Variants in FRA10AC1 observed in about 807,000 individuals in gnomAD.
FRA10AC1 encodes the protein protein FRA10AC1.
A neutral mutation model predicts 56.5 loss-of-function variants in FRA10AC1; 43 were observed. That is an observed-to-expected ratio of 0.76 (90% CI 0.60 to 0.98). The LOEUF is 0.98. FRA10AC1 is among the 50% of genes least tolerant of loss of function. The pLI, the probability that FRA10AC1 is intolerant of heterozygous loss-of-function variation, is 0.00. For missense variants in FRA10AC1, 346 were observed against 351.8 expected, an observed-to-expected ratio of 0.98 and a Z score of 0.13; for synonymous variants, 112 against 110.5, an observed-to-expected ratio of 1.01 and a Z score of -0.09.
intron 11 of FRA10AC1, among the ~76,000 whole-genome samples, chr10:93,679,162 A>T (rs1206312273): frequency 6.6e-6 from 1 of 152,220 alleles, no homozygotes; most frequent in Non-Finnish European, 1.5e-5. Context: ...TTTGCTTTCA[A>T]AGGCATTCTA....
intron 11 of FRA10AC1, among the ~76,000 whole-genome samples, chr10:93,679,525 C>A (rs1171596134): frequency 6.6e-6 from 1 of 152,086 alleles, no homozygotes; most frequent in African/African-American, 2.4e-5. Flanking sequence ...GAAGAGAAGA[C>A]ACAGCATCCA....
At chr10:93,681,626 G>A in intron 10 of FRA10AC1, 28 bp from the exon 11 acceptor site, 1 of 1,454,200 alleles carries the variant, frequency 6.9e-7, no homozygotes. Flanking sequence ...TAAAATTAAA[G>A]TTAACTTTTC....
At chr10:93,693,520 TATATATACACC>T (rs1393557819) in intron 5 of FRA10AC1, among the ~76,000 whole-genome samples, 1,514 of 18,334 alleles carry the variant, frequency 0.083, 130 homozygotes, top group East Asian at 0.22. Context: ...ACCATATATA[TATATATACACC>T]ATATATATAT....
chr10:93,693,239 T>C (rs2059154319), intron 5 of FRA10AC1, among the ~76,000 whole-genome samples: 1 of 148,662 alleles, frequency 6.7e-6, no homozygotes, highest in Non-Finnish European at 1.5e-5. Context: ...AAAAAAGTGA[T>C]TGTTGGGAGA....
At position 93,698,396 on chromosome 10, in the gene FRA10AC1, C is replaced by T. The variant is rs146587772; in HGVS notation, c.78G>A (p.Arg26=). ...RCGESSKRKK[R]TVEDDLLLQK... Reference sequence around the variant, plus strand: ...GGAGCAGTAAGTCATCTTCAACTGTCCTGATATATTAAGAAGAAAATAAGA... The same window carrying T: ...GGAGCAGTAAGTCATCTTCAACTGTTCTGATATATTAAGAAGAAAATAAGA... The change falls in exon 3 of 14, where the codon AGG becomes AGA. Residue 26 remains arginine, a splice_region_variant and synonymous_variant. Coordinates refer to ENST00000359204, the MANE Select transcript of FRA10AC1 (RefSeq NM_145246.5). The T allele has an allele frequency of 4.5e-6, 7 of 1,546,710 alleles. No individual in the cohort carries two copies. The highest frequency in any genetic ancestry group is 6.2e-6 in the Non-Finnish European group (7 of 1,124,548).
chr10:93,698,097 TCTA>T lies in FRA10AC1; in HGVS notation c.219+36_219+38del, dbSNP rs774756371. The stretch of plus-strand genomic sequence containing the variant: ...AACAAAAAAGCAGATTTTAAAATAT[TCTA>T]CTAGTTATAAAAATCTGGAAATAAA... On this transcript the variant is annotated intron_variant, in intron 4 of 13. Coordinates refer to ENST00000359204, the MANE Select transcript of FRA10AC1 (RefSeq NM_145246.5). The T allele has an allele frequency of 8.5e-6, 10 of 1,182,804 alleles. No individual in the cohort carries two copies. The South Asian group carries it at 1.4e-4, about 17-fold the overall frequency. 73.3% of individuals were successfully genotyped at this position (1,182,804 alleles called of 1,614,324 possible).
At chr10:93,699,144 A>C (rs535223345) in intron 2 of FRA10AC1, among the ~76,000 whole-genome samples, 2 of 152,350 alleles carry the variant, frequency 1.3e-5, no homozygotes, top group Admixed American at 1.3e-4. Context: ...GGAGCAGAGT[A>C]TCCAACTAGA....
At chr10:93,676,802 T>TA in intron 11 of FRA10AC1, 111 bp from the exon 12 acceptor site, 1 of 1,355,288 alleles carries the variant, frequency 7.4e-7, no homozygotes, top group Non-Finnish European at 9.6e-7. Context: ...GTCTTACAGA[T>TA]AAGCACTTCA....
chr10:93,691,792 CA>C (rs1006726323), intron 7 of FRA10AC1, among the ~76,000 whole-genome samples: 1 of 151,682 alleles, frequency 6.6e-6, no homozygotes, highest in African/African-American at 2.4e-5. Context: ...AGCTCACAAA[CA>C]AAAAAAAGCA....
At chr10:93,672,135 C>A in intron 12 of FRA10AC1, 1 of 418,624 alleles carries the variant, frequency 2.4e-6, no homozygotes. Context: ...ACAGAATGTC[C>A]TTTAGTTAAA....
intron 2 of FRA10AC1, among the ~76,000 whole-genome samples, chr10:93,699,116 A>G (rs1308501516): frequency 6.6e-6 from 1 of 152,232 alleles, no homozygotes; most frequent in Non-Finnish European, 1.5e-5. Context: ...CCCTAGTTAT[A>G]GTGATGAATA....
rs1332270162 is a variant in FRA10AC1 at position 93,698,195 on chromosome 10, T to A, written c.174-14A>T. Reference sequence around the variant, plus strand: ...CTTGCTTCTTCCCTGTTAAAACAAATTTTTTTAAGAAAATTCAAAATGTTT... The same window carrying A: ...CTTGCTTCTTCCCTGTTAAAACAAAATTTTTTAAGAAAATTCAAAATGTTT... On this transcript the variant is annotated splice_polypyrimidine_tract_variant and intron_variant, in intron 3 of 13. Transcript: ENST00000359204. 1 of 1,566,852 alleles carries A rather than the reference T, an allele frequency of 6.4e-7. No homozygotes were observed. The highest frequency in any genetic ancestry group is 1.7e-5 in the Admixed American group (1 of 57,508).
intron 4 of FRA10AC1, 35 bp from the exon 5 acceptor site, chr10:93,694,972 A>G: frequency 8.9e-7 from 1 of 1,122,980 alleles, no homozygotes; most frequent in East Asian, 2.4e-5. Context: ...TTATTCTCTT[A>G]GGAGCTGTTT....
chr10:93,695,687 C>T (rs2059220724), intron 4 of FRA10AC1, among the ~76,000 whole-genome samples: 1 of 151,054 alleles, frequency 6.6e-6, no homozygotes, highest in Non-Finnish European at 1.5e-5. Context: ...ACAATTTAAT[C>T]AGATTATGGT....
In FRA10AC1 at chr10:93,699,983, A is replaced by G. The variant is rs539053210; in HGVS notation, c.77+47T>C. 7.9e-6 allele frequency: 8 copies of G among 1,007,754 alleles called. No homozygotes were observed. The South Asian group carries it at 1.1e-4, about 14-fold the overall frequency. The allele number at this position is 1,007,754 out of a possible 1,614,324, so 62.4% of individuals were successfully genotyped here. ...TCTTGTTTATTTATACTTCATATTA[A>G]TCTAGAAAGGATGTGAAAAATAGAT... On this transcript the variant is annotated intron_variant, in intron 2 of 13. Transcript: ENST00000359204.
At chr10:93,676,623 A>C in intron 12 of FRA10AC1, 30 bp downstream of exon 12, 2 of 1,543,044 alleles carry the variant, frequency 1.3e-6, no homozygotes, top group South Asian at 1.2e-5. Context: ...TCAAATGCAT[A>C]TTTTTATTAA....
At chr10:93,673,683 C>A in intron 12 of FRA10AC1, 1 of 385,770 alleles carries the variant, frequency 2.6e-6, no homozygotes. Flanking sequence ...ATTTATATGT[C>A]TGTATTTTTC....
In FRA10AC1 at chr10:93,670,852, T is replaced by C. The variant is rs2058749512; in HGVS notation, c.827-4A>G. 1 of 1,602,714 alleles carries C rather than the reference T, an allele frequency of 6.2e-7. No individual in the cohort carries two copies. Among genetic ancestry groups the C allele is most frequent in the South Asian group, 1.1e-5 (1 of 90,736 alleles). On this transcript the variant is annotated splice_polypyrimidine_tract_variant and splice_region_variant and intron_variant, in intron 12 of 13. Transcript: ENST00000359204. ...CTTTCTTCCTCATCAGAGTTTCCTG[T>C]TCATTTAAAAAAGATGATTTTTAAA... is the stretch of plus-strand genomic sequence containing the variant.
intron 12 of FRA10AC1, chr10:93,675,734 G>A (rs773996878): frequency 7.3e-5 from 21 of 287,278 alleles, no homozygotes; most frequent in Non-Finnish European, 1.4e-4. Context: ...AACTAAGTAA[G>A]CCTAGAAATC....
Sources: allele counts gnomAD v4.1 joint callset (sites outside exome capture counted in the v4.1 genomes callset), GRCh38; gene constraint gnomAD v4.1.1; transcripts MANE v1.5; gene names NCBI Gene and HGNC (gene_info 2026-07-23, HGNC 2026-07-21).